The following GSK3B variants were observed in gnomAD, a reference collection of about 807,000 sequenced individuals.
The protein encoded by GSK3B is glycogen synthase kinase 3 beta, also known as glycogen synthase kinase-3 beta.
Under a neutral mutation model 56.4 loss-of-function variants are expected in GSK3B, and 15 were observed. The observed-to-expected ratio is 0.27, with a 90% CI of 0.18 to 0.41. GSK3B has a LOEUF of 0.41. Ranked by LOEUF, GSK3B falls within the 10% of genes least tolerant of loss-of-function variation. GSK3B has a pLI of 1.00. For synonymous variants in GSK3B, 181 were observed against 188.9 expected (o/e 0.96, Z 0.34); for missense variants, 300 against 513.4 (o/e 0.58, Z 4.02).
intron 2 of GSK3B, among the ~76,000 whole-genome samples, chr3:119,997,453 C>T (rs72969135): frequency 0.017 from 2,595 of 152,156 alleles, 64 homozygotes; most frequent in African/African-American, 0.059. Context: ...AAGTTTAAAA[C>T]GTACATAACT....
chr3:119,949,044 G>A (rs776542089), intron 2 of GSK3B, among the ~76,000 whole-genome samples: 6 of 152,170 alleles, frequency 3.9e-5, no homozygotes, highest in Non-Finnish European at 7.4e-5. Context: ...GGCTTTGAGG[G>A]AGAACTGCTA....
chr3:119,956,227 G>C (rs923840310), intron 2 of GSK3B, among the ~76,000 whole-genome samples: 19 of 152,254 alleles, frequency 1.2e-4, no homozygotes, highest in African/African-American at 4.3e-4. Flanking sequence ...AGAAAGAAGT[G>C]AGTTCAATTT....
Position 120,007,396 on chromosome 3 carries a change from C to T in GSK3B, c.89-5157G>A, listed in dbSNP as rs191881623. 1.6e-4 allele frequency among the ~76,000 whole-genome samples: 25 copies of T among 152,180 alleles called. No individual in the cohort carries two copies. The East Asian group carries it at 4.6e-3, about 28-fold the overall frequency. On this transcript the variant is annotated intron_variant, in intron 1 of 10. Coordinates refer to ENST00000264235, the MANE Select transcript of GSK3B (RefSeq NM_001146156.2). Reference sequence around the variant, plus strand: ...ATCAATAGAAAAAAGGGGAATCCTCCCTAACTCATTTTATGAGGCTAGCAT... The same window carrying T: ...ATCAATAGAAAAAAGGGGAATCCTCTCTAACTCATTTTATGAGGCTAGCAT...
At chr3:119,979,274 C>T (rs924422291) in intron 2 of GSK3B, among the ~76,000 whole-genome samples, 1 of 152,174 alleles carries the variant, frequency 6.6e-6, no homozygotes, top group African/African-American at 2.4e-5. Context: ...CCCAACCCTA[C>T]CTGTGTCAAG....
chr3:119,835,303 T>C (rs1478443402), intron 10 of GSK3B, among the ~76,000 whole-genome samples: 5 of 152,218 alleles, frequency 3.3e-5, no homozygotes, highest in Admixed American at 3.3e-4. Context: ...ACTTTAAAAT[T>C]CTTTATACTT....
intron 10 of GSK3B, among the ~76,000 whole-genome samples, chr3:119,828,983 A>G (rs982158795): frequency 1.6e-4 from 24 of 152,232 alleles, no homozygotes; most frequent in African/African-American, 5.1e-4. Context: ...AGTATGGCAA[A>G]TGAACAGGTG....
At chr3:119,963,751 A>G (rs1430434702) in intron 2 of GSK3B, among the ~76,000 whole-genome samples, 1 of 152,162 alleles carries the variant, frequency 6.6e-6, no homozygotes, top group Non-Finnish European at 1.5e-5. Flanking sequence ...AAAGGTGCCA[A>G]TAATTTACAA....
chr3:119,952,890 T>C (rs1293620869), intron 2 of GSK3B, among the ~76,000 whole-genome samples: 1 of 152,016 alleles, frequency 6.6e-6, no homozygotes, highest in African/African-American at 2.4e-5. Flanking sequence ...ACATGTTAAC[T>C]GGAATTCACA....
At position 119,823,291 on chromosome 3, in the gene GSK3B, T is replaced by C; in HGVS notation, c.*3497A>G. On this transcript the variant is annotated 3_prime_UTR_variant, in exon 11 of 11. Coordinates refer to ENST00000264235, the MANE Select transcript of GSK3B (RefSeq NM_001146156.2). ...TAAAAGAAATTAAAATGATATTTCA[T>C]TGAGCAAGGGTAGAGATGGCGGGAG... 4.7e-6 allele frequency: 1 copy of C among 211,148 alleles called. No homozygotes were observed. Among genetic ancestry groups the C allele is most frequent in the African/African-American group, 2.3e-5 (1 of 44,232 alleles). 13.1% of individuals were successfully genotyped at this position (211,148 alleles called of 1,614,324 possible).
intron 9 of GSK3B, among the ~76,000 whole-genome samples, chr3:119,862,161 T>C (rs1160067037): frequency 1.3e-5 from 2 of 150,360 alleles, no homozygotes; most frequent in Non-Finnish European, 3.0e-5. Context: ...TAAGAAAATG[T>C]GGCACATATA....
At chr3:120,008,412 G>T (rs2057748275) in intron 1 of GSK3B, among the ~76,000 whole-genome samples, 1 of 152,134 alleles carries the variant, frequency 6.6e-6, no homozygotes, top group African/African-American at 2.4e-5. Context: ...ACAATCCTGG[G>T]CAAGAAGAAC....
At chr3:119,958,047 G>A (rs1382647505) in intron 2 of GSK3B, among the ~76,000 whole-genome samples, 5 of 152,130 alleles carry the variant, frequency 3.3e-5, no homozygotes, top group Non-Finnish European at 5.9e-5. Context: ...AGTGTCAAGG[G>A]AGGGAAGTGA....
chr3:119,923,614 T>C (rs2056864402), intron 3 of GSK3B, 131 bp from the exon 4 acceptor site: 1 of 454,154 alleles, frequency 2.2e-6, no homozygotes, highest in Non-Finnish European at 3.9e-6. Context: ...CACTTTTAAT[T>C]ATATAAAATT....
chr3:119,992,272 A>G (rs1348779332), intron 2 of GSK3B, among the ~76,000 whole-genome samples: 1 of 152,142 alleles, frequency 6.6e-6, no homozygotes, highest in African/African-American at 2.4e-5. Context: ...ATATGCAAAC[A>G]GCTTAGTGGA....
At chr3:120,071,416 A>G (rs114659828) in intron 1 of GSK3B, among the ~76,000 whole-genome samples, 2,451 of 152,284 alleles carry the variant, frequency 0.016, 64 homozygotes, top group African/African-American at 0.056. Flanking sequence ...GCAGGAGGTG[A>G]GCAGCAGGCA....
At position 119,905,803 on chromosome 3, in the gene GSK3B, T is replaced by C; in HGVS notation, c.765A>G (p.Pro255=). ...CVLAELLLGQ[P]IFPGDSGVDQ... Reference sequence around the variant, plus strand: ...CCACACCACTATCCCCTGGAAATATTGGTTGTCCTAGTAACAGCTCAGCCA... The same window carrying C: ...CCACACCACTATCCCCTGGAAATATCGGTTGTCCTAGTAACAGCTCAGCCA... Residue 255 remains proline (P), a synonymous_variant, in exon 7 of 11, where the codon CCA becomes CCG. Transcript: ENST00000264235. The C allele has an allele frequency of 4.4e-6, 7 of 1,606,990 alleles. No homozygotes were observed. In the South Asian group the frequency reaches 5.5e-5, roughly 13 times the overall value.
intron 1 of GSK3B, among the ~76,000 whole-genome samples, chr3:120,046,937 T>G (rs2058108906): frequency 6.6e-6 from 1 of 152,140 alleles, no homozygotes; most frequent in African/African-American, 2.4e-5. Flanking sequence ...GACTAGACCA[T>G]CACATTACTT....
At chr3:119,947,877 A>G (rs998934613) in intron 2 of GSK3B, among the ~76,000 whole-genome samples, 1 of 151,526 alleles carries the variant, frequency 6.6e-6, no homozygotes, top group Non-Finnish European at 1.5e-5. Context: ...CATCTCAAAA[A>G]AAAAAAAAAA....
intron 1 of GSK3B, among the ~76,000 whole-genome samples, chr3:120,052,768 T>C (rs996727836): frequency 6.6e-6 from 1 of 152,040 alleles, no homozygotes; most frequent in Non-Finnish European, 1.5e-5. Context: ...GCTTAGAAAA[T>C]CAAAATCCTG....
Sources: allele counts gnomAD v4.1 joint callset (sites outside exome capture counted in the v4.1 genomes callset), GRCh38; gene constraint gnomAD v4.1.1; transcripts MANE v1.5; gene names NCBI Gene and HGNC (gene_info 2026-07-23, HGNC 2026-07-21).